CFAP206: variants seen among roughly 807,000 people sequenced by gnomAD.
CFAP206 encodes the protein cilia and flagella associated protein 206, also known as cilia- and flagella-associated protein 206.
In CFAP206, 53 loss-of-function variants were observed where a neutral mutation model predicts 65.4. That is an observed-to-expected ratio of 0.81 (90% confidence interval 0.65 to 1.02). CFAP206 has a LOEUF of 1.02. CFAP206 is among the 50% of genes least tolerant of loss of function. CFAP206 has a pLI of 0.00. For synonymous variants in CFAP206, 250 were observed against 254.4 expected (o/e 0.98, Z 0.17); for missense variants, 663 against 753.2 (o/e 0.88, Z 1.40).
chr6:87,454,260 C>T (rs758663374), intron 11 of CFAP206, among the ~76,000 whole-genome samples: 8 of 152,034 alleles, frequency 5.3e-5, no homozygotes, highest in South Asian at 4.1e-4. Context: ...AGCTAAAGAG[C>T]GAAATAGACC....
chr6:87,415,866 A>C lies in CFAP206; in HGVS notation c.464A>C (p.Glu155Ala), dbSNP rs1310330797. The change falls in exon 5 of 13, where the codon GAG (glutamate) becomes GCG (alanine). Residue 155 changes from glutamate (E) to alanine (A), a missense_variant. Physicochemically the swap from Glu to Ala is moderately radical, Grantham distance 107. Transcript: ENST00000369562. ...GSPTDIKTVREVTAALQSVFP... is the reference protein window; with the variant it reads ...GSPTDIKTVRAVTAALQSVFP... ...CCTACAGACATCAAGACTGTCAGAGAGGTAACAGGTAAAAAGTATAACCAA... is the reference window on the plus strand; with the variant it reads ...CCTACAGACATCAAGACTGTCAGAGCGGTAACAGGTAAAAAGTATAACCAA... 3.2e-6 allele frequency: 5 copies of C among 1,543,666 alleles called. No homozygotes were observed. The Admixed American group carries it at 6.0e-5, about 18-fold the overall frequency.
chr6:87,463,892 CTA>C (rs1768782052), intron 12 of CFAP206, 126 bp from the exon 13 acceptor site: 1 of 571,738 alleles, frequency 1.7e-6, no homozygotes, highest in Non-Finnish European at 2.9e-6. Flanking sequence ...AGAAAAAATG[CTA>C]TGTTATGGAA....
At chr6:87,437,078 C>A (rs371720531) in intron 11 of CFAP206, among the ~76,000 whole-genome samples, 10 of 152,218 alleles carry the variant, frequency 6.6e-5, no homozygotes, top group African/African-American at 1.9e-4. Context: ...TCAAGCAATT[C>A]TCTGCCTCAG....
intron 3 of CFAP206, among the ~76,000 whole-genome samples, chr6:87,411,925 A>C (rs1461672303): frequency 6.6e-6 from 1 of 152,246 alleles, no homozygotes. Flanking sequence ...GATATTGGTG[A>C]GGATGCAGAG....
intron 11 of CFAP206, among the ~76,000 whole-genome samples, chr6:87,458,579 T>C (rs1357235836): frequency 6.6e-6 from 1 of 152,108 alleles, no homozygotes; most frequent in Non-Finnish European, 1.5e-5. Context: ...ACAAACTTCA[T>C]ATGTCCTCGC....
chr6:87,456,401 C>T (rs1201045275), intron 11 of CFAP206, among the ~76,000 whole-genome samples: 1 of 152,064 alleles, frequency 6.6e-6, no homozygotes, highest in Non-Finnish European at 1.5e-5. Context: ...ATACAGCAGA[C>T]CCAGAGGTAG....
At chr6:87,441,285 A>T (rs1475957757) in intron 11 of CFAP206, 2 of 162,218 alleles carry the variant, frequency 1.2e-5, no homozygotes, top group Non-Finnish European at 2.7e-5. Context: ...CAAAGAAGGT[A>T]GTGAGTGACA....
At chr6:87,455,308 A>T (rs1341047605) in intron 11 of CFAP206, among the ~76,000 whole-genome samples, 1 of 152,222 alleles carries the variant, frequency 6.6e-6, no homozygotes, top group East Asian at 1.9e-4. Context: ...TTAAGAAGGA[A>T]ATTAAAAAAT....
intron 7 of CFAP206, among the ~76,000 whole-genome samples, chr6:87,420,453 G>A (rs951979626): frequency 2.6e-5 from 4 of 152,208 alleles, no homozygotes; most frequent in Non-Finnish European, 4.4e-5. Context: ...TGAGTAAAAT[G>A]TAGAAATGAT....
At chr6:87,446,462 T>C (rs1451102567) in intron 11 of CFAP206, among the ~76,000 whole-genome samples, 1 of 152,190 alleles carries the variant, frequency 6.6e-6, no homozygotes, top group Non-Finnish European at 1.5e-5. Context: ...ATTTATTAAA[T>C]AGGGCATCCT....
intron 11 of CFAP206, 95 bp downstream of exon 11, chr6:87,435,148 C>G (rs1768234936): frequency 1.2e-5 from 10 of 837,182 alleles, no homozygotes; most frequent in Non-Finnish European, 1.9e-5. Context: ...CAGGTCCACA[C>G]AGAGAGAGTC....
chr6:87,431,640 C>T (rs1768159757), intron 10 of CFAP206, among the ~76,000 whole-genome samples: 2 of 152,174 alleles, frequency 1.3e-5, no homozygotes, highest in Admixed American at 6.5e-5. Flanking sequence ...GTGGCACACG[C>T]CTGTAGTCCC....
chr6:87,439,177 A>G lies in CFAP206; in HGVS notation c.1494+4124A>G, dbSNP rs547093444. On this transcript the variant is annotated intron_variant, in intron 11 of 12. Coordinates refer to ENST00000369562, the MANE Select transcript of CFAP206 (RefSeq NM_001031743.3). ...TGAAATAATATGTGGGGGAATTTACATATTTATTATATTGGATTGTCCCAT... is the reference window on the plus strand; with the variant it reads ...TGAAATAATATGTGGGGGAATTTACGTATTTATTATATTGGATTGTCCCAT... Among the ~76,000 whole-genome samples the G allele has an allele frequency of 1.1e-4, 16 of 152,282 alleles. No individual in the cohort carries two copies. The East Asian group carries it at 2.7e-3, about 26-fold the overall frequency.
At chr6:87,430,674 C>T (rs1768141142) in intron 9 of CFAP206, among the ~76,000 whole-genome samples, 1 of 152,208 alleles carries the variant, frequency 6.6e-6, no homozygotes, top group Non-Finnish European at 1.5e-5. Context: ...GGGTTATTTA[C>T]TCTGCAGCAG....
At chr6:87,434,331 T>C (rs1454183566) in intron 10 of CFAP206, among the ~76,000 whole-genome samples, 2 of 150,928 alleles carry the variant, frequency 1.3e-5, no homozygotes, top group African/African-American at 4.9e-5. Context: ...GGGATGTTGA[T>C]GCTGCAGTGA....
At chr6:87,443,715 A>T (rs1768391764) in intron 11 of CFAP206, among the ~76,000 whole-genome samples, 1 of 152,092 alleles carries the variant, frequency 6.6e-6, no homozygotes, top group Non-Finnish European at 1.5e-5. Flanking sequence ...GGTATGACTG[A>T]TCTTGTCACC....
rs1463676259 is a variant in CFAP206 at position 87,428,607 on chromosome 6, T to A, written c.961-19T>A. On this transcript the variant is annotated intron_variant, in intron 8 of 12. Coordinates refer to ENST00000369562, the MANE Select transcript of CFAP206 (RefSeq NM_001031743.3). ...TTATTACACAGTTGCATTTTGAATA[T>A]TTTTTTTCTCTTCCTCAGCCTATCT... The A allele has an allele frequency of 1.3e-6, 2 of 1,591,192 alleles. No homozygotes were observed. The highest frequency in any genetic ancestry group is 1.1e-5 in the South Asian group (1 of 90,522).
chr6:87,442,587 A>G (rs1768377047), intron 11 of CFAP206, among the ~76,000 whole-genome samples: 1 of 152,104 alleles, frequency 6.6e-6, no homozygotes, highest in African/African-American at 2.4e-5. Context: ...AATATTTCTG[A>G]TATTTCATAA....
chr6:87,455,114 G>T (rs956050018), intron 11 of CFAP206, among the ~76,000 whole-genome samples: 2 of 151,658 alleles, frequency 1.3e-5, no homozygotes, highest in Non-Finnish European at 2.9e-5. Flanking sequence ...TAGAGACTGG[G>T]TTTCACCATG....
Sources: gnomAD v4.1 joint callset for allele counts (sites outside exome capture counted in the v4.1 genomes callset) on GRCh38, gnomAD v4.1.1 for gene constraint, MANE v1.5 for transcripts, NCBI Gene and HGNC (gene_info 2026-07-23, HGNC 2026-07-21) for gene names.